Variants in COLGALT1 observed in about 807,000 individuals in gnomAD.
COLGALT1 encodes collagen beta(1-O)galactosyltransferase 1.
In COLGALT1, 43 loss-of-function variants were observed where a neutral mutation model predicts 60.8. The observed-to-expected ratio is 0.71, with a 90% CI of 0.55 to 0.91. COLGALT1 has a LOEUF of 0.91. Among genes scored for constraint, COLGALT1 ranks in the 40% least tolerant of loss-of-function variants. The pLI, the probability that COLGALT1 is intolerant of heterozygous loss-of-function variation, is 0.00. For missense variants in COLGALT1, 845 were observed against 880.0 expected, an observed-to-expected ratio of 0.96 and a Z score of 0.50; for synonymous variants, 369 against 374.2, an observed-to-expected ratio of 0.99 and a Z score of 0.16.
chr19:17,581,034 C>T, intron 11 of COLGALT1, 129 bp downstream of exon 11: 1 of 1,387,328 alleles, frequency 7.2e-7, no homozygotes, highest in Non-Finnish European at 1.0e-6. Context: ...CGTTTGCCCC[C>T]TCGCAGATCT....
rs1376478669 is a variant in COLGALT1, at chr19:17,559,424, G to C, written c.371+3G>C. ...TGGCGGCCAGCAGAGGAGCCCAGGT[G>C]AGCATCTTTCCCCTGCTCCTAGTCT... On this transcript the variant is annotated splice_donor_region_variant and intron_variant, in intron 2 of 11. Transcript: ENST00000252599. 4 of 1,549,854 alleles carry C rather than the reference G, an allele frequency of 2.6e-6. No individual in the cohort carries two copies. In the Admixed American group the frequency reaches 7.9e-5, roughly 30 times the overall value.
Position 17,565,182 on chromosome 19 carries a change from T to C in COLGALT1, c.490-2224T>C, listed in dbSNP as rs186489451. 3.0e-3 allele frequency among the ~76,000 whole-genome samples: 448 copies of C among 151,442 alleles called. 6 individuals carry two copies. Among genetic ancestry groups the C allele is most frequent in the East Asian group, 0.024 (125 of 5,140 alleles). On this transcript the variant is annotated intron_variant, in intron 3 of 11. Transcript: ENST00000252599. ...TTGAGACTTTTTTTTTGAGACAGAG[T>C]GTTGCTCTGTCGCGCAGGTTTGCAG...
intron 8 of COLGALT1, 123 bp downstream of exon 8, chr19:17,577,590 G>A: frequency 2.3e-6 from 2 of 864,324 alleles, no homozygotes; most frequent in Non-Finnish European, 3.5e-6. Context: ...TGTAGACCTC[G>A]TCAGTGGGCG....
At chr19:17,556,380 C>G (rs1191223153) in intron 1 of COLGALT1, among the ~76,000 whole-genome samples, 5 of 152,242 alleles carry the variant, frequency 3.3e-5, no homozygotes, top group Non-Finnish European at 7.3e-5. Flanking sequence ...AGAGCCCCCA[C>G]TGGGGCGTTG....
intron 8 of COLGALT1, among the ~76,000 whole-genome samples, chr19:17,577,685 A>G (rs908350613): frequency 6.6e-6 from 1 of 152,128 alleles, no homozygotes; most frequent in African/African-American, 2.4e-5. Flanking sequence ...GTCCTGACCC[A>G]GGGGAATGGG....
intron 3 of COLGALT1, among the ~76,000 whole-genome samples, chr19:17,566,939 C>T (rs922135765): frequency 2.0e-5 from 3 of 152,016 alleles, no homozygotes; most frequent in Non-Finnish European, 2.9e-5. Context: ...CATGATGGTA[C>T]CCTGTCTCTA....
At chr19:17,565,229 C>T (rs925216141) in intron 3 of COLGALT1, among the ~76,000 whole-genome samples, 2 of 152,100 alleles carry the variant, frequency 1.3e-5, no homozygotes, top group Admixed American at 1.3e-4. Flanking sequence ...GATCTCGGCT[C>T]ACTGCAACCT....
At chr19:17,576,070 C>T (rs1011705602) in intron 6 of COLGALT1, among the ~76,000 whole-genome samples, 5 of 152,222 alleles carry the variant, frequency 3.3e-5, no homozygotes, top group Admixed American at 6.5e-5. Context: ...GAATATACAG[C>T]ATGCCATCAT....
Position 17,555,936 on chromosome 19 carries a change from G to T in COLGALT1, c.223G>T (p.Glu75Ter). ...HALPTTLGAL[E>*]RLRHPRERTA... is the part of the protein sequence containing the mutation. ...GTTGCCCACCACGCTGGGCGCACTC[G>T]AGCGGCTGCGGCACCCGCGGGAGCG... The change falls in exon 1 of 12, where the codon GAG becomes TAG. Residue 75 changes from glutamate (E) to a stop codon, truncating the protein, a stop_gained. Coordinates refer to ENST00000252599, the MANE Select transcript of COLGALT1 (RefSeq NM_024656.4). LOFTEE classifies it high-confidence loss of function. 1 of 1,391,542 alleles carries T rather than the reference G, an allele frequency of 7.2e-7. No homozygotes were observed. Among genetic ancestry groups the T allele is most frequent in the Non-Finnish European group, 9.3e-7 (1 of 1,072,236 alleles). The allele number at this position is 1,391,542 out of a possible 1,614,324, so 86.2% of individuals were successfully genotyped here. A position where few individuals can be genotyped will look rare whatever the true frequency, so the allele number is the denominator to read the frequency against.
intron 3 of COLGALT1, among the ~76,000 whole-genome samples, chr19:17,563,187 CTTT>C (rs954111271): frequency 8.5e-6 from 1 of 117,534 alleles, no homozygotes. Flanking sequence ...TTTCGTGTTT[CTTT>C]TTTTTTTTTT....
At chr19:17,578,558 G>C (rs2076359197) in intron 9 of COLGALT1, among the ~76,000 whole-genome samples, 3 of 152,182 alleles carry the variant, frequency 2.0e-5, no homozygotes, top group Non-Finnish European at 2.9e-5. Context: ...CTTCGAACTT[G>C]GGCCATCAGG....
At chr19:17,580,018 G>C (rs1208660428) in intron 10 of COLGALT1, 1 of 204,282 alleles carries the variant, frequency 4.9e-6, no homozygotes, top group African/African-American at 2.3e-5. Context: ...AAGCCTGCAG[G>C]CTTGGTCAAG....
Position 17,578,038 on chromosome 19 carries a change from C to T in COLGALT1, c.1215C>T (p.Leu405=). ...GYRDPYHGRP[L]TKGELGCFLS... ...GGGACCCCTACCACGGCCGGCCCCT[C>T]ACCAAGGGTGAGCTGGGCTGCTTCC... is the stretch of plus-strand genomic sequence containing the variant. Residue 405 remains leucine, a synonymous_variant, in exon 9 of 12, where the codon CTC becomes CTT. Transcript: ENST00000252599. 1 of 1,611,000 alleles carries T rather than the reference C, an allele frequency of 6.2e-7. No individual in the cohort carries two copies.
Position 17,567,394 on chromosome 19 carries a change from G to C in COLGALT1, c.490-12G>C. 2 of 1,613,062 alleles carry C rather than the reference G, an allele frequency of 1.2e-6. No homozygotes were observed. The highest frequency in any genetic ancestry group is 1.7e-6 in the Non-Finnish European group (2 of 1,179,486). On this transcript the variant is annotated splice_polypyrimidine_tract_variant and intron_variant, in intron 3 of 11. Coordinates refer to ENST00000252599, the MANE Select transcript of COLGALT1 (RefSeq NM_024656.4). The stretch of plus-strand genomic sequence containing the variant: ...GGCAGCCCATGCTGATGCTTTGTGG[G>C]GTGTTCTGCAGTTTGTAGATGCGGA...
At chr19:17,575,808 T>TAGAAAAAA (rs1261603747) in intron 6 of COLGALT1, among the ~76,000 whole-genome samples, 3 of 152,092 alleles carry the variant, frequency 2.0e-5, no homozygotes, top group Admixed American at 6.6e-5. Context: ...GAGCTACAGA[T>TAGAAAAAA]TTCCCCTTTT....
In COLGALT1 at chr19:17,580,797, C is replaced by T; in HGVS notation, c.1493C>T (p.Ala498Val). 1 of 1,614,078 alleles carries T rather than the reference C, an allele frequency of 6.2e-7. No individual in the cohort carries two copies. Among genetic ancestry groups the T allele is most frequent in the South Asian group, 1.1e-5 (1 of 91,070 alleles). The change falls in exon 11 of 12, where the codon GCC becomes GTC. Residue 498 changes from alanine to valine, a missense_variant. Ala to Val is a moderately conservative substitution (Grantham distance 64). Coordinates refer to ENST00000252599, the MANE Select transcript of COLGALT1 (RefSeq NM_024656.4). ...VEADYSYWTLAYVISLQGARK... is the reference protein window; with the variant it reads ...VEADYSYWTLVYVISLQGARK... ...GCCGACTATTCCTACTGGACCCTGG[C>T]CTACGTGATCTCCCTGCAAGGCGCC...
chr19:17,567,405 G>A lies in COLGALT1; in HGVS notation c.490-1G>A. The A allele has an allele frequency of 2.5e-6, 4 of 1,613,544 alleles. No individual in the cohort carries two copies. Among genetic ancestry groups the A allele is most frequent in the South Asian group, 1.1e-5 (1 of 91,066 alleles). On this transcript the variant is annotated splice_acceptor_variant, in intron 3 of 11. Transcript: ENST00000252599. LOFTEE classifies it high-confidence loss of function. ...CTGATGCTTTGTGGGGTGTTCTGCA[G>A]TTTGTAGATGCGGACAACCTGATCC...
intron 1 of COLGALT1, among the ~76,000 whole-genome samples, chr19:17,557,690 C>T (rs568963860): frequency 1.4e-4 from 22 of 152,346 alleles, no homozygotes; most frequent in Non-Finnish European, 2.8e-4. Flanking sequence ...CAACTTCCCC[C>T]TCCTGGGCTC....
intron 3 of COLGALT1, among the ~76,000 whole-genome samples, chr19:17,561,759 A>C (rs1306246864): frequency 6.6e-6 from 1 of 152,122 alleles, no homozygotes; most frequent in African/African-American, 2.4e-5. Flanking sequence ...TGGTGAAGTC[A>C]GAGATTTTGG....
Sources: gnomAD v4.1 joint callset for allele counts (sites outside exome capture counted in the v4.1 genomes callset) on GRCh38, gnomAD v4.1.1 for gene constraint, MANE v1.5 for transcripts, NCBI Gene and HGNC (gene_info 2026-07-23, HGNC 2026-07-21) for gene names.